Variants in ANKMY1 observed in about 807,000 individuals in gnomAD.
The protein encoded by ANKMY1 is ankyrin repeat and MYND domain containing 1.
ANKMY1 carries 98 observed loss-of-function variants against 102.0 expected under a neutral mutation model. That is an observed-to-expected ratio of 0.96 (90% CI 0.82 to 1.14). The LOEUF (loss-of-function observed/expected upper bound fraction) is 1.14. ANKMY1 is among the 50% of genes most tolerant of loss of function. The pLI is 0.00. For synonymous variants in ANKMY1, 582 were observed against 559.9 expected (o/e 1.04, Z -0.56); for missense variants, 1,330 against 1,347.6 (o/e 0.99, Z 0.20).
rs199944273 is a variant in ANKMY1 at position 240,492,702 on chromosome 2, TA to T, written c.2806+7255del. Among the ~76,000 whole-genome samples the T allele has an allele frequency of 2.5e-4, 38 of 152,328 alleles. 1 individual carries two copies. Among genetic ancestry groups the T allele is most frequent in the Admixed American group, 2.1e-3 (32 of 15,306 alleles). On this transcript the variant is annotated intron_variant, in intron 15 of 17. Coordinates refer to ENST00000401804, the MANE Select transcript of ANKMY1 (RefSeq NM_001282771.3). ...AAATCAATTATTTTGAATTTTTTTT[TA>T]AATTTGAGACAGAGTCTCACTGTGT...
intron 4 of ANKMY1, among the ~76,000 whole-genome samples, chr2:240,547,106 T>C (rs1268481893): frequency 6.6e-6 from 1 of 152,146 alleles, no homozygotes; most frequent in African/African-American, 2.4e-5. Context: ...ACCACATACT[T>C]GGAAGTAAAG....
Position 240,520,956 on chromosome 2 carries a change from ACC to A in ANKMY1, c.1833-425_1833-424del, listed in dbSNP as rs1292215709. On this transcript the variant is annotated intron_variant, in intron 8 of 17. Coordinates refer to ENST00000401804, the MANE Select transcript of ANKMY1 (RefSeq NM_001282771.3). This position sits in a 1 kb window ranked among gnomAD's most constrained non-coding sequence, Gnocchi z 4.8. ...ACACAACCACACAAACCACACACAC[ACC>A]ACACACACCACTCACACCACAAAGA... 6.6e-6 allele frequency among the ~76,000 whole-genome samples: 1 copy of A among 151,704 alleles called. No individual in the cohort carries two copies. Among genetic ancestry groups the A allele is most frequent in the African/African-American group, 2.4e-5 (1 of 41,254 alleles).
rs2092591336 is a variant in ANKMY1 at position 240,557,966 on chromosome 2, C to T, written c.-103G>A. On this transcript the variant is annotated 5_prime_UTR_variant, in exon 1 of 18. Coordinates refer to ENST00000401804, the MANE Select transcript of ANKMY1 (RefSeq NM_001282771.3). Reference sequence around the variant, plus strand: ...GCGGACGCCCGCGCTCCCGTCCCGACTGCTTGCCAGCCCTGCGCCTACGGA... The same window carrying T: ...GCGGACGCCCGCGCTCCCGTCCCGATTGCTTGCCAGCCCTGCGCCTACGGA... The T allele has an allele frequency of 4.1e-6, 4 of 985,562 alleles. No homozygotes were observed. The highest frequency in any genetic ancestry group is 4.8e-6 in the Non-Finnish European group (4 of 830,110). 61.1% of individuals were successfully genotyped at this position (985,562 alleles called of 1,614,324 possible). A position where few individuals can be genotyped will look rare whatever the true frequency, so the allele number is the denominator to read the frequency against.
chr2:240,475,564 G>C (rs760822943), downstream of ANKMY1, among the ~76,000 whole-genome samples: 25 of 151,622 alleles, frequency 1.6e-4, no homozygotes, highest in Non-Finnish European at 2.9e-4. Context: ...ATTTAAGGGA[G>C]GTAAAGGATC....
the ANKMY1 span, among the ~76,000 whole-genome samples, chr2:240,471,236 G>A: frequency 4.6e-5 from 7 of 151,222 alleles, no homozygotes; most frequent in African/African-American, 9.7e-5. Context: ...AAATCACAAC[G>A]CCTCAGGGAC....
chr2:240,511,738 A>G (rs2080227229), intron 11 of ANKMY1, 123 bp downstream of exon 11: 1 of 1,292,604 alleles, frequency 7.7e-7, no homozygotes, highest in East Asian at 2.9e-5. Flanking sequence ...CCATCCTTCC[A>G]AGCTCCCTGG....
intron 15 of ANKMY1, among the ~76,000 whole-genome samples, chr2:240,493,235 G>A (rs2076852593): frequency 6.6e-6 from 1 of 152,088 alleles, no homozygotes; most frequent in South Asian, 2.1e-4. Flanking sequence ...GCTAAGGCAG[G>A]AGAATCATTT....
intron 7 of ANKMY1, among the ~76,000 whole-genome samples, chr2:240,524,960 G>GT: frequency 1.3e-5 from 2 of 152,264 alleles, no homozygotes; most frequent in South Asian, 4.1e-4. Flanking sequence ...ACAGACAGTT[G>GT]TTTTTGGATA....
At chr2:240,524,422 AGT>A (rs766453668) in intron 7 of ANKMY1, 41 bp from the exon 8 acceptor site, 3 of 1,556,910 alleles carry the variant, frequency 1.9e-6, no homozygotes, top group Non-Finnish European at 2.6e-6. Context: ...AATAAATTGG[AGT>A]GATAACCTCA....
chr2:240,469,663 A>ATTC, the ANKMY1 span, among the ~76,000 whole-genome samples: 1 of 76,796 alleles, frequency 1.3e-5, no homozygotes, highest in Admixed American at 1.1e-4. Context: ...GCACATGTGC[A>ATTC]CTCCACATTT....
intron 10 of ANKMY1, among the ~76,000 whole-genome samples, chr2:240,512,308 C>T (rs191159194): frequency 3.9e-5 from 6 of 152,312 alleles, no homozygotes; most frequent in African/African-American, 4.8e-5. Flanking sequence ...TGTGTGCTGG[C>T]GACTGAAAGC....
At chr2:240,478,625 C>T (rs2151811109), downstream of ANKMY1, among the ~76,000 whole-genome samples, 2 of 152,248 alleles carry the variant, frequency 1.3e-5, no homozygotes, top group East Asian at 3.9e-4. Flanking sequence ...GTCAGCTTGT[C>T]CCTCTGCCCA....
chr2:240,516,729 C>T (rs2081281386), intron 9 of ANKMY1, among the ~76,000 whole-genome samples: 1 of 152,178 alleles, frequency 6.6e-6, no homozygotes, highest in Non-Finnish European at 1.5e-5. Flanking sequence ...CTATTGAATG[C>T]ATGTTTCTGA....
intron 9 of ANKMY1, among the ~76,000 whole-genome samples, chr2:240,519,383 C>G (rs994490597): frequency 2.6e-5 from 4 of 152,210 alleles, no homozygotes; most frequent in African/African-American, 9.6e-5. Flanking sequence ...CAACAGATAA[C>G]GTCACGTTAA....
intron 15 of ANKMY1, among the ~76,000 whole-genome samples, chr2:240,491,704 G>A (rs552321495): frequency 4.2e-4 from 64 of 151,700 alleles, no homozygotes; most frequent in Non-Finnish European, 7.5e-4. Flanking sequence ...GGGTGGCAGC[G>A]TTTTTTTTCT....
At position 240,507,590 on chromosome 2, in the gene ANKMY1, G is replaced by A. The variant is rs1383152306; in HGVS notation, c.2496C>T (p.His832=). The change falls in exon 13 of 18, where the codon CAC becomes CAT. Residue 832 remains histidine, a synonymous_variant. Transcript: ENST00000401804. ...CCAGCTTGCTGTCCATGTTCCTCTG[G>A]TGCTCGTAGGTCAGGTCACAGGCAA... is the stretch of plus-strand genomic sequence containing the variant. ...LCVACDLTYE[H]QRNMDSKLAL... 6.2e-7 allele frequency: 1 copy of A among 1,610,644 alleles called. No individual in the cohort carries two copies. The highest frequency in any genetic ancestry group is 1.3e-5 in the African/African-American group (1 of 75,048).
chr2:240,513,028 G>GA, intron 9 of ANKMY1, 86 bp from the exon 10 acceptor site: 2 of 1,510,626 alleles, frequency 1.3e-6, no homozygotes, highest in Non-Finnish European at 1.8e-6. Context: ...AAATGCCAGG[G>GA]AAATGGCTGA....
intron 15 of ANKMY1, among the ~76,000 whole-genome samples, chr2:240,492,269 G>A (rs187063254): frequency 6.6e-6 from 1 of 152,220 alleles, no homozygotes; most frequent in East Asian, 1.9e-4. Flanking sequence ...TGGTATTATA[G>A]GCATAAGCTA....
intron 4 of ANKMY1, among the ~76,000 whole-genome samples, chr2:240,531,837 A>C (rs962183162): frequency 3.3e-5 from 5 of 152,234 alleles, no homozygotes; most frequent in Non-Finnish European, 7.3e-5. Context: ...CATTTGCTCA[A>C]AATTCACTGA....
Sources: allele counts gnomAD v4.1 joint callset (sites outside exome capture counted in the v4.1 genomes callset), GRCh38; gene constraint gnomAD v4.1.1; non-coding constraint Gnocchi (gnomAD v3.1); transcripts MANE v1.5; gene names NCBI Gene and HGNC (gene_info 2026-07-23, HGNC 2026-07-21).